Variants in LZIC observed in about 807,000 individuals in gnomAD.
LZIC encodes the protein leucine zipper and CTNNBIP1 domain containing, also known as protein LZIC.
A neutral mutation model predicts 25.4 loss-of-function variants in LZIC; 28 were observed. The observed-to-expected ratio is 1.10, with a 90% CI of 0.82 to 1.51. LZIC has a LOEUF of 1.51. Among genes scored for constraint, LZIC ranks in the 40% most tolerant of loss-of-function variants. The pLI is 0.00. For synonymous variants in LZIC, 65 were observed against 70.7 expected (o/e 0.92, Z 0.40); for missense variants, 170 against 211.1 (o/e 0.81, Z 1.21).
At chr1:9,925,584 T>C (rs1047676572), downstream of LZIC, among the ~76,000 whole-genome samples, 1 of 152,174 alleles carries the variant, frequency 6.6e-6, no homozygotes. Flanking sequence ...CAGTATCGAC[T>C]TTCCATTGTG....
At chr1:9,923,787 C>T (rs1421510411), downstream of LZIC, among the ~76,000 whole-genome samples, 2 of 152,036 alleles carry the variant, frequency 1.3e-5, no homozygotes, top group Admixed American at 6.6e-5. Context: ...GAGTCTTGCT[C>T]TGTCACCCAG....
intron 2 of LZIC, among the ~76,000 whole-genome samples, chr1:9,939,373 C>CTTTTTTTTTT (rs371491173): frequency 7.5e-6 from 1 of 133,414 alleles, no homozygotes; most frequent in Non-Finnish European, 1.6e-5. Flanking sequence ...TTTTTTTTTT[C>CTTTTTTTTTT]TTTTTTTTTT....
chr1:9,926,863 C>A lies in LZIC; in HGVS notation c.*3536G>T, dbSNP rs2101575250. On this transcript the variant is annotated 3_prime_UTR_variant, in exon 8 of 8. Transcript: ENST00000377223. ...TGGAAGAGAAACACAGTTTATAAGT[C>A]ATTTAATAACTATAATTGCATAGAA... is the stretch of plus-strand genomic sequence containing the variant. Among the ~76,000 whole-genome samples the A allele has an allele frequency of 6.6e-6, 1 of 152,316 alleles. No individual in the cohort carries two copies. Among genetic ancestry groups the A allele is most frequent in the South Asian group, 2.1e-4 (1 of 4,818 alleles).
rs747389734 is a variant in LZIC at position 9,931,901 on chromosome 1, A to C, written c.504T>G (p.Ser168=). The change falls in exon 7 of 8, where the codon TCT becomes TCG. Residue 168 remains serine, a synonymous_variant. Coordinates refer to ENST00000377223, the MANE Select transcript of LZIC (RefSeq NM_032368.5). ...TATGAGGGCACTCACCAAGGTCTGT[A>C]GAGACTTTCTCAAACTGGCTGAGTA... ...GAILSQFEKV[S]TDLGSGDKIL... 46 of 1,612,744 alleles carry C rather than the reference A, an allele frequency of 2.9e-5. No individual in the cohort carries two copies. The highest frequency in any genetic ancestry group is 1.0e-4 in the Admixed American group (6 of 59,850).
intron 2 of LZIC, among the ~76,000 whole-genome samples, chr1:9,938,620 A>G (rs1487325062): frequency 6.6e-6 from 1 of 151,912 alleles, no homozygotes; most frequent in Non-Finnish European, 1.5e-5. Flanking sequence ...TGGCATGATC[A>G]TGGCTCATGC....
At position 9,934,876 on chromosome 1, in the gene LZIC, G is replaced by C. The variant is rs757092008; in HGVS notation, c.238-16C>G. 1 of 1,594,312 alleles carries C rather than the reference G, an allele frequency of 6.3e-7. No individual in the cohort carries two copies. The highest frequency in any genetic ancestry group is 8.6e-7 in the Non-Finnish European group (1 of 1,163,168). On this transcript the variant is annotated splice_polypyrimidine_tract_variant and intron_variant, in intron 4 of 7. Transcript: ENST00000377223. Reference sequence around the variant, plus strand: ...CCTGAATAGCCTAGAAACACAAGAAGGCAAAAACTAACCAAAATAGTCCAA... The same window carrying C: ...CCTGAATAGCCTAGAAACACAAGAACGCAAAAACTAACCAAAATAGTCCAA...
intron 2 of LZIC, among the ~76,000 whole-genome samples, chr1:9,938,329 G>A (rs949559910): frequency 6.6e-6 from 1 of 151,860 alleles, no homozygotes; most frequent in East Asian, 1.9e-4. Context: ...CACCACACCT[G>A]GCTAATTTAT....
chr1:9,928,953 T>C lies in LZIC; in HGVS notation c.*1446A>G, dbSNP rs888723106. ...AAGGTCACATATCATATGATTCCATTTATATGAAATATCCAGAATAGGTAA... is the reference window on the plus strand; with the variant it reads ...AAGGTCACATATCATATGATTCCATCTATATGAAATATCCAGAATAGGTAA... On this transcript the variant is annotated 3_prime_UTR_variant, in exon 8 of 8. Transcript: ENST00000377223. The C allele has an allele frequency of 2.0e-5, 3 of 152,226 alleles. No homozygotes were observed. The highest frequency in any genetic ancestry group is 7.2e-5 in the African/African-American group (3 of 41,546). 9.4% of individuals were successfully genotyped at this position (152,226 alleles called of 1,614,324 possible).
Position 9,934,156 on chromosome 1 carries a change from A to G in LZIC, c.336+606T>C, listed in dbSNP as rs550089165. Among the ~76,000 whole-genome samples the G allele has an allele frequency of 7.9e-5, 12 of 151,668 alleles. 1 individual carries two copies. The highest frequency in any genetic ancestry group is 2.9e-4 in the African/African-American group (12 of 41,388). On this transcript the variant is annotated intron_variant, in intron 5 of 7. Transcript: ENST00000377223. The stretch of plus-strand genomic sequence containing the variant: ...AGGCAAGAGAATCACTTGAACCCAG[A>G]GGCAGAGGTTGTACTGAACCGAGAT...
Position 9,927,547 on chromosome 1 carries a change from C to T in LZIC, c.*2852G>A, listed in dbSNP as rs377658872. Among the ~76,000 whole-genome samples the T allele has an allele frequency of 5.3e-5, 8 of 151,734 alleles. No homozygotes were observed. Among genetic ancestry groups the T allele is most frequent in the Non-Finnish European group, 1.0e-4 (7 of 67,942 alleles). On this transcript the variant is annotated 3_prime_UTR_variant, in exon 8 of 8. Transcript: ENST00000377223. ...AAATCCTGAGTTCAGGCGATCCGCCCACCTCTGCCTCCCAGAGTTCTGAGA... is the reference window on the plus strand; with the variant it reads ...AAATCCTGAGTTCAGGCGATCCGCCTACCTCTGCCTCCCAGAGTTCTGAGA...
rs1359567774 is a variant in LZIC at position 9,928,750 on chromosome 1, C to A, written c.*1649G>T. Among the ~76,000 whole-genome samples, 1 of 151,154 alleles carries A rather than the reference C, an allele frequency of 6.6e-6. No individual in the cohort carries two copies. Among genetic ancestry groups the A allele is most frequent in the Non-Finnish European group, 1.5e-5 (1 of 67,910 alleles). On this transcript the variant is annotated 3_prime_UTR_variant, in exon 8 of 8. Coordinates refer to ENST00000377223, the MANE Select transcript of LZIC (RefSeq NM_032368.5). The stretch of plus-strand genomic sequence containing the variant: ...AATTAGCTGGGCGTGGTGGTACACA[C>A]TAGTAATCCCAGCTACTTGGGAAGC...
downstream of LZIC, among the ~76,000 whole-genome samples, chr1:9,924,388 T>C (rs1310338692): frequency 6.6e-6 from 1 of 152,098 alleles, no homozygotes; most frequent in Non-Finnish European, 1.5e-5. Context: ...GGAGTCTTGC[T>C]CTGTCACCCA....
downstream of LZIC, among the ~76,000 whole-genome samples, chr1:9,925,239 T>C (rs563870645): frequency 3.8e-4 from 57 of 151,702 alleles, no homozygotes; most frequent in Non-Finnish European, 7.1e-4. Context: ...GGCAGGAGAA[T>C]TGCTTGAACC....
At chr1:9,932,754 C>G in intron 6 of LZIC, 49 bp downstream of exon 6, 2 of 1,068,970 alleles carry the variant, frequency 1.9e-6, no homozygotes, top group South Asian at 2.6e-5. Context: ...TGTTCTGTAC[C>G]AAATAATTCA....
At chr1:9,941,353 C>G (rs965831279) in intron 2 of LZIC, among the ~76,000 whole-genome samples, 5 of 152,030 alleles carry the variant, frequency 3.3e-5, no homozygotes, top group Admixed American at 6.6e-5. Context: ...CGCCACCACG[C>G]TCAGCTGATT....
intron 2 of LZIC, among the ~76,000 whole-genome samples, chr1:9,941,492 G>A (rs1177377385): frequency 2.7e-5 from 4 of 147,626 alleles, no homozygotes; most frequent in African/African-American, 7.6e-5. Context: ...ATCGTGCCTA[G>A]CCTTTACCTT....
downstream of LZIC, among the ~76,000 whole-genome samples, chr1:9,923,272 G>A (rs1444864555): frequency 1.3e-5 from 2 of 152,048 alleles, no homozygotes; most frequent in Non-Finnish European, 2.9e-5. Flanking sequence ...ACTGAGGTAT[G>A]ATCTTGGCTC....
intron 1 of LZIC, 25 bp from the exon 2 acceptor site, chr1:9,942,807 A>C (rs1248893897): frequency 1.4e-6 from 1 of 700,978 alleles, no homozygotes; most frequent in African/African-American, 1.8e-5. Flanking sequence ...ACCATTAACA[A>C]GTAATTTTAT....
intron 5 of LZIC, among the ~76,000 whole-genome samples, chr1:9,933,405 A>G (rs1028888713): frequency 3.3e-5 from 5 of 151,828 alleles, no homozygotes; most frequent in African/African-American, 7.3e-5. Context: ...TATGATAGAA[A>G]TGTTAAATGC....
Sources: gnomAD v4.1 joint callset for allele counts (sites outside exome capture counted in the v4.1 genomes callset) on GRCh38, gnomAD v4.1.1 for gene constraint, MANE v1.5 for transcripts, NCBI Gene and HGNC (gene_info 2026-07-23, HGNC 2026-07-21) for gene names.